The following ROBO1 variants were observed in gnomAD, a reference collection of about 807,000 sequenced individuals.
The protein encoded by ROBO1 is roundabout guidance receptor 1, also known as roundabout homolog 1.
ROBO1 carries 149 observed loss-of-function variants against 195.9 expected under a neutral mutation model. That is an observed-to-expected ratio of 0.76 (90% CI 0.67 to 0.87). The LOEUF is 0.87. Among genes scored for constraint, ROBO1 ranks in the 40% least tolerant of loss-of-function variants. The pLI is 0.00. For synonymous variants in ROBO1, 816 were observed against 733.2 expected (o/e 1.11, Z -1.82); for missense variants, 1,933 against 2,068.3 (o/e 0.93, Z 1.27).
intron 24 of ROBO1, among the ~76,000 whole-genome samples, chr3:78,633,403 A>G (rs1705298503): frequency 1.3e-5 from 2 of 152,172 alleles, no homozygotes; most frequent in South Asian, 4.1e-4. Context: ...AGGCACTTAC[A>G]GACTGAGGTT....
chr3:79,427,245 G>C (rs895466275), intron 2 of ROBO1, among the ~76,000 whole-genome samples: 1 of 152,076 alleles, frequency 6.6e-6, no homozygotes, highest in African/African-American at 2.4e-5. Context: ...ACTATTGTAC[G>C]CACATCCTAG....
At chr3:79,633,265 T>C (rs1945398001) in intron 1 of ROBO1, among the ~76,000 whole-genome samples, 2 of 151,186 alleles carry the variant, frequency 1.3e-5, no homozygotes, top group Admixed American at 6.6e-5. Flanking sequence ...TCTCAACCTC[T>C]TGGGCTCAGG....
intron 2 of ROBO1, among the ~76,000 whole-genome samples, chr3:79,146,360 T>G (rs936154166): frequency 8.5e-5 from 13 of 152,054 alleles, no homozygotes; most frequent in South Asian, 2.1e-4. Flanking sequence ...TCCGTAAAAA[T>G]AGAGCCCATC....
intron 14 of ROBO1, among the ~76,000 whole-genome samples, chr3:78,662,418 G>A (rs1006945979): frequency 1.3e-5 from 2 of 152,106 alleles, no homozygotes; most frequent in Non-Finnish European, 2.9e-5. Flanking sequence ...ATCATGTAAC[G>A]ATCACTTTCC....
chr3:78,728,361 A>G (rs3773234), intron 5 of ROBO1, among the ~76,000 whole-genome samples: 34,157 of 152,056 alleles, frequency 0.22, 3,928 homozygotes, highest in Non-Finnish European at 0.24. Context: ...TGAACTCATA[A>G]CACAAAATGA....
intron 2 of ROBO1, among the ~76,000 whole-genome samples, chr3:79,140,365 A>G (rs1020884590): frequency 6.6e-6 from 1 of 152,148 alleles, no homozygotes; most frequent in Admixed American, 6.6e-5. Context: ...GATAATCAAT[A>G]TAGTGTAATG....
chr3:79,077,269 C>A (rs368508662), intron 3 of ROBO1, among the ~76,000 whole-genome samples: 1 of 151,808 alleles, frequency 6.6e-6, no homozygotes, highest in Non-Finnish European at 1.5e-5. Flanking sequence ...TTTTAGTGTT[C>A]TTCCTAAGAC....
chr3:79,603,824 C>G (rs957122150), intron 1 of ROBO1, among the ~76,000 whole-genome samples: 2 of 151,834 alleles, frequency 1.3e-5, no homozygotes, highest in Non-Finnish European at 2.9e-5. Flanking sequence ...TGAACACTTT[C>G]CCAATACCCT....
intron 1 of ROBO1, among the ~76,000 whole-genome samples, chr3:79,725,354 G>A (rs1271686759): frequency 6.7e-6 from 1 of 150,358 alleles, no homozygotes; most frequent in African/African-American, 2.4e-5. Context: ...AGCCTCCCGA[G>A]TAGCTGGGAC....
intron 2 of ROBO1, among the ~76,000 whole-genome samples, chr3:79,550,396 C>G (rs1401315023): frequency 6.6e-6 from 1 of 152,072 alleles, no homozygotes; most frequent in Non-Finnish European, 1.5e-5. Context: ...AGTCAAAGCA[C>G]ATGGTAAGCC....
At chr3:79,660,337 A>G (rs765983212) in intron 1 of ROBO1, among the ~76,000 whole-genome samples, 12 of 152,092 alleles carry the variant, frequency 7.9e-5, no homozygotes, top group Non-Finnish European at 1.2e-4. Context: ...TCTCAGAAGT[A>G]GTGTACATTT....
At chr3:79,409,744 T>C (rs1399106275) in intron 2 of ROBO1, among the ~76,000 whole-genome samples, 1 of 152,124 alleles carries the variant, frequency 6.6e-6, no homozygotes, top group African/African-American at 2.4e-5. Context: ...TTCTGTTGCT[T>C]TTTGGCATTG....
At position 79,242,061 on chromosome 3, in the gene ROBO1, C is replaced by T. The variant is rs1050270644; in HGVS notation, c.89-116522G>A. Among the ~76,000 whole-genome samples, 6 of 151,088 alleles carry T rather than the reference C, an allele frequency of 4.0e-5. No homozygotes were observed. In the South Asian group the frequency reaches 6.3e-4, roughly 16 times the overall value. On this transcript the variant is annotated intron_variant, in intron 2 of 30. Coordinates refer to ENST00000464233, the MANE Select transcript of ROBO1 (RefSeq NM_002941.4). ...ATGAAAGGTAATGAAAACCTTGTATCGTGGCCTTAAAAGAAGGATCCCTGA... is the reference window on the plus strand; with the variant it reads ...ATGAAAGGTAATGAAAACCTTGTATTGTGGCCTTAAAAGAAGGATCCCTGA...
intron 3 of ROBO1, among the ~76,000 whole-genome samples, chr3:79,026,950 T>C (rs2078213195): frequency 6.6e-6 from 1 of 152,120 alleles, no homozygotes; most frequent in Non-Finnish European, 1.5e-5. Flanking sequence ...AGGATTGACA[T>C]ACATATGTTG....
chr3:78,960,112 C>A (rs1353973996), intron 3 of ROBO1, among the ~76,000 whole-genome samples: 2 of 152,022 alleles, frequency 1.3e-5, no homozygotes, highest in Non-Finnish European at 2.9e-5. Context: ...CTGTAATGCA[C>A]CTATGATCAC....
intron 2 of ROBO1, among the ~76,000 whole-genome samples, chr3:79,274,453 T>C (rs889581288): frequency 6.6e-6 from 1 of 151,748 alleles, no homozygotes; most frequent in African/African-American, 2.4e-5. Context: ...TTGAAACAAA[T>C]GATAATGGAA....
chr3:79,090,449 T>G, intron 3 of ROBO1, among the ~76,000 whole-genome samples: 3 of 144,608 alleles, frequency 2.1e-5, no homozygotes, highest in Non-Finnish European at 3.0e-5. Flanking sequence ...TTCCATTCCC[T>G]CCCCTCCCCT....
chr3:79,018,427 C>T (rs779137999), intron 3 of ROBO1: 4 of 1,613,826 alleles, frequency 2.5e-6, no homozygotes, highest in South Asian at 1.1e-5. Context: ...ACATATTAAT[C>T]CAAACAGGTA....
At chr3:79,463,585 A>G (rs369184299) in intron 2 of ROBO1, among the ~76,000 whole-genome samples, 1 of 152,100 alleles carries the variant, frequency 6.6e-6, no homozygotes, top group African/African-American at 2.4e-5. Context: ...CTTGAAGCCA[A>G]CTTTAGATGG....
Sources: allele counts gnomAD v4.1 joint callset (sites outside exome capture counted in the v4.1 genomes callset), GRCh38; gene constraint gnomAD v4.1.1; transcripts MANE v1.5; gene names NCBI Gene and HGNC (gene_info 2026-07-23, HGNC 2026-07-21).